TUSC3: variants seen among roughly 807,000 people sequenced by gnomAD.
TUSC3 encodes tumor suppressor candidate 3.
Under a neutral mutation model 44.8 loss-of-function variants are expected in TUSC3, and 45 were observed. The ratio of observed to expected loss-of-function variants is 1.00; its 90% CI spans 0.79 to 1.29. TUSC3 has a LOEUF of 1.29. Ranked by LOEUF, TUSC3 falls within the 50% of genes most tolerant of loss-of-function variation. The pLI is 0.00. For synonymous variants in TUSC3, 212 were observed against 152.9 expected (o/e 1.39, Z -2.85); for missense variants, 519 against 437.9 (o/e 1.19, Z -1.65).
intron 1 of TUSC3, among the ~76,000 whole-genome samples, chr8:15,610,231 T>A (rs892237490): frequency 1.3e-5 from 2 of 152,184 alleles, no homozygotes; most frequent in Non-Finnish European, 2.9e-5. Context: ...TTCCATACAT[T>A]CATTGATCCG....
At chr8:15,474,692 G>A (rs539595024) in intron 1 of TUSC3, among the ~76,000 whole-genome samples, 3 of 152,106 alleles carry the variant, frequency 2.0e-5, no homozygotes, top group African/African-American at 7.2e-5. Flanking sequence ...ACGTATATTT[G>A]TTTTCTCTTA....
chr8:15,571,693 G>A (rs967162979), intron 1 of TUSC3, among the ~76,000 whole-genome samples: 6 of 152,090 alleles, frequency 3.9e-5, no homozygotes, highest in African/African-American at 9.7e-5. Context: ...CTGTTGCATG[G>A]AATGCTGTTT....
chr8:15,720,365 C>G (rs1025946159), intron 6 of TUSC3, among the ~76,000 whole-genome samples: 2 of 151,974 alleles, frequency 1.3e-5, no homozygotes, highest in Non-Finnish European at 2.9e-5. Flanking sequence ...AAATTTAAGT[C>G]TCATTGGGCA....
intron 1 of TUSC3, among the ~76,000 whole-genome samples, chr8:15,592,049 T>G (rs926049624): frequency 6.6e-6 from 1 of 152,142 alleles, no homozygotes; most frequent in African/African-American, 2.4e-5. Flanking sequence ...CAGCTAATAG[T>G]GTAGACTGGA....
At chr8:15,622,937 G>T in intron 1 of TUSC3, 143 bp from the exon 2 acceptor site, 1 of 846,468 alleles carries the variant, frequency 1.2e-6, no homozygotes, top group Non-Finnish European at 1.8e-6. Context: ...ATCTTTCTAG[G>T]AGCAGAAATA....
chr8:15,573,553 C>A (rs1029963057), intron 1 of TUSC3, among the ~76,000 whole-genome samples: 1 of 151,902 alleles, frequency 6.6e-6, no homozygotes, highest in Non-Finnish European at 1.5e-5. Context: ...TCTCCTTCCC[C>A]CCTCATCCCT....
At chr8:15,712,430 AC>A (rs2129200248) in intron 6 of TUSC3, among the ~76,000 whole-genome samples, 1 of 152,206 alleles carries the variant, frequency 6.6e-6, no homozygotes, top group African/African-American at 2.4e-5. Context: ...AAGATCTTCA[AC>A]TTGAAATTCA....
At chr8:15,594,205 C>T (rs973751472) in intron 1 of TUSC3, among the ~76,000 whole-genome samples, 3 of 152,100 alleles carry the variant, frequency 2.0e-5, no homozygotes, top group Admixed American at 1.3e-4. Context: ...TTAATCTTTT[C>T]ATCTGCTGTT....
chr8:15,491,332 C>T (rs375869381), intron 2 of TUSC3, among the ~76,000 whole-genome samples: 4 of 152,120 alleles, frequency 2.6e-5, no homozygotes, highest in South Asian at 2.1e-4. Context: ...GTGAGTAATA[C>T]GTGAGGGAGG....
intron 6 of TUSC3, among the ~76,000 whole-genome samples, chr8:15,679,114 A>G (rs1808306906): frequency 1.3e-5 from 2 of 152,174 alleles, no homozygotes; most frequent in African/African-American, 2.4e-5. Flanking sequence ...TCTTTTATGT[A>G]TATACCCAGT....
intron 1 of TUSC3, among the ~76,000 whole-genome samples, chr8:15,477,491 G>A (rs1344930327): frequency 6.6e-6 from 1 of 152,144 alleles, no homozygotes; most frequent in African/African-American, 2.4e-5. Context: ...GGGAGGCTGA[G>A]GCAGGCAGAT....
chr8:15,650,243 A>C (rs563012195), intron 2 of TUSC3, among the ~76,000 whole-genome samples: 104 of 152,314 alleles, frequency 6.8e-4, no homozygotes, highest in African/African-American at 2.4e-3. Context: ...TTTTCTGTTA[A>C]ACTAAGTTGC....
chr8:15,531,703 A>T (rs941522790), intron 2 of TUSC3, among the ~76,000 whole-genome samples: 40 of 152,190 alleles, frequency 2.6e-4, no homozygotes, highest in African/African-American at 9.2e-4. Flanking sequence ...GCCACAGGTA[A>T]CTCAGATAAC....
At chr8:15,605,583 G>T (rs1239539969) in intron 1 of TUSC3, among the ~76,000 whole-genome samples, 1 of 151,674 alleles carries the variant, frequency 6.6e-6, no homozygotes, top group Admixed American at 6.6e-5. Context: ...AGCATTCTAA[G>T]ATGGACTGCA....
intron 1 of TUSC3, among the ~76,000 whole-genome samples, chr8:15,436,861 A>C (rs2129117740): frequency 6.6e-6 from 1 of 152,230 alleles, no homozygotes; most frequent in African/African-American, 2.4e-5. Flanking sequence ...CTGAAGTATA[A>C]CCCAGGTATT....
chr8:15,673,634 G>A, intron 5 of TUSC3, 113 bp from the exon 6 acceptor site: 1 of 896,234 alleles, frequency 1.1e-6, no homozygotes, highest in Non-Finnish European at 1.8e-6. Flanking sequence ...TAAAATGTGT[G>A]AGCTGATACA....
In TUSC3 at chr8:15,613,633, T is replaced by C. The variant is rs570017233; in HGVS notation, c.139-9447T>C. Reference sequence around the variant, plus strand: ...CCAGCCATGTGGAACTGTGAGTCCATTGAACCTCTTTCCTTTATAAATTAC... The same window carrying C: ...CCAGCCATGTGGAACTGTGAGTCCACTGAACCTCTTTCCTTTATAAATTAC... On this transcript the variant is annotated intron_variant, in intron 1 of 10. Coordinates refer to ENST00000503731, the MANE Select transcript of TUSC3 (RefSeq NM_006765.4). 5.9e-5 allele frequency among the ~76,000 whole-genome samples: 9 copies of C among 152,326 alleles called. No homozygotes were observed. The East Asian group carries it at 1.3e-3, about 23-fold the overall frequency.
intron 2 of TUSC3, among the ~76,000 whole-genome samples, chr8:15,501,610 T>G (rs1483996292): frequency 6.6e-6 from 1 of 152,182 alleles, no homozygotes; most frequent in Non-Finnish European, 1.5e-5. Context: ...CTACAATGGT[T>G]TATGGCAATG....
chr8:15,526,771 C>T (rs1470304701), intron 2 of TUSC3, among the ~76,000 whole-genome samples: 2 of 152,092 alleles, frequency 1.3e-5, no homozygotes, highest in African/African-American at 4.8e-5. Context: ...ACAGAGTCCA[C>T]ATATAAAATG....
Sources: allele counts gnomAD v4.1 joint callset (sites outside exome capture counted in the v4.1 genomes callset), GRCh38; gene constraint gnomAD v4.1.1; transcripts MANE v1.5; gene names NCBI Gene and HGNC (gene_info 2026-07-23, HGNC 2026-07-21).